The following CDCA8 variants were observed in gnomAD, a reference collection of about 807,000 sequenced individuals.
CDCA8 encodes the protein borealin.
CDCA8 carries 25 observed loss-of-function variants against 40.0 expected under a neutral mutation model. The observed-to-expected ratio is 0.63, with a 90% CI of 0.46 to 0.87. CDCA8 has a LOEUF of 0.87. CDCA8 is among the 40% of genes least tolerant of loss of function. The pLI is 0.00. For synonymous variants in CDCA8, 111 were observed against 126.5 expected (o/e 0.88, Z 0.82); for missense variants, 280 against 348.4 (o/e 0.80, Z 1.56).
rs895396778 is a variant in CDCA8 at position 37,701,685 on chromosome 1, A to C, written c.424-69A>C. On this transcript the variant is annotated intron_variant, in intron 5 of 9. Transcript: ENST00000373055. The stretch of plus-strand genomic sequence containing the variant: ...GTTCTTAATGCTTTAAAAAAAAAAA[A>C]AAAACCCTCCTTACCTTCCTCTTTG... 4 of 1,044,132 alleles carry C rather than the reference A, an allele frequency of 3.8e-6. No individual in the cohort carries two copies. The African/African-American group carries it at 6.8e-5, about 18-fold the overall frequency. 64.7% of individuals were successfully genotyped at this position (1,044,132 alleles called of 1,614,324 possible).
In CDCA8 at chr1:37,698,975, A is replaced by G. The variant is rs533338748; in HGVS notation, c.335A>G (p.Lys112Arg). 89 of 1,608,324 alleles carry G rather than the reference A, an allele frequency of 5.5e-5. 1 individual carries two copies. The South Asian group carries it at 9.7e-4, about 17-fold the overall frequency. ...EAIQTPLKSAKTRKVIQVDEM... is the reference protein window; with the variant it reads ...EAIQTPLKSARTRKVIQVDEM... ...ATTCAGACACCCCTGAAATCTGCCA[A>G]AAGTGAGTACCTTTCAAAACTCCTT... Residue 112 changes from lysine to arginine, a missense_variant and splice_region_variant, in exon 4 of 10, where the codon AAA becomes AGA. Transcript: ENST00000373055.
At position 37,705,320 on chromosome 1, in the gene CDCA8, C is replaced by G. The variant is rs577598617; in HGVS notation, c.585-121C>G. 1.9e-5 allele frequency: 15 copies of G among 805,234 alleles called. No individual in the cohort carries two copies. In the South Asian group the frequency reaches 2.4e-4, roughly 13 times the overall value. The allele number at this position is 805,234 out of a possible 1,614,324, so 49.9% of individuals were successfully genotyped here. On this transcript the variant is annotated intron_variant, in intron 7 of 9. Coordinates refer to ENST00000373055, the MANE Select transcript of CDCA8 (RefSeq NM_001256875.2). ...TTTTTTTTTCTAAATTTAGAACGTGCTTTCTTAGGAATGTATGACTTAAAA... is the reference window on the plus strand; with the variant it reads ...TTTTTTTTTCTAAATTTAGAACGTGGTTTCTTAGGAATGTATGACTTAAAA...
chr1:37,705,751 C>G (rs527805111), intron 8 of CDCA8, among the ~76,000 whole-genome samples, 184 bp downstream of exon 8: 2 of 151,356 alleles, frequency 1.3e-5, no homozygotes, highest in East Asian at 3.9e-4. Flanking sequence ...CTGCAAAGAT[C>G]GTTGCTCAGC....
In CDCA8 at chr1:37,696,354, C is replaced by T. The variant is rs1645527186; in HGVS notation, c.264+404C>T. Among the ~76,000 whole-genome samples, 1 of 152,156 alleles carries T rather than the reference C, an allele frequency of 6.6e-6. No homozygotes were observed. The highest frequency in any genetic ancestry group is 1.5e-5 in the Non-Finnish European group (1 of 68,032). On this transcript the variant is annotated intron_variant, in intron 3 of 9. Coordinates refer to ENST00000373055, the MANE Select transcript of CDCA8 (RefSeq NM_001256875.2). The surrounding 1 kb of genome is among the most constrained non-coding windows in gnomAD (Gnocchi z 5.0). ...TTCCCCAACCCCTCTCATCTCCTTC[C>T]TCCCAGCATCAGTGCCAGGATTGAA...
intron 3 of CDCA8, among the ~76,000 whole-genome samples, chr1:37,698,323 T>C (rs1645540986): frequency 6.6e-6 from 1 of 152,234 alleles, no homozygotes; most frequent in South Asian, 2.1e-4. Context: ...AACTTGGACA[T>C]GTACCTCAGA....
rs1172229429 is a variant in CDCA8, at chr1:37,706,962, TC to T, written c.712-12del. ...AAGGGCCATGGCCAGTTTAACCCAC[TC>T]CCCTTTCTATTCAGAGCCTGCGATT... On this transcript the variant is annotated splice_polypyrimidine_tract_variant and intron_variant, in intron 8 of 9. Transcript: ENST00000373055. 3 of 1,610,558 alleles carry T rather than the reference TC, an allele frequency of 1.9e-6. No individual in the cohort carries two copies. The highest frequency in any genetic ancestry group is 1.7e-6 in the Non-Finnish European group (2 of 1,176,718).
chr1:37,699,070 T>C (rs916929183), intron 4 of CDCA8, 93 bp downstream of exon 4: 2 of 806,774 alleles, frequency 2.5e-6, no homozygotes, highest in South Asian at 2.9e-5. Context: ...TGGTAGAGCC[T>C]CTTCCCTTTA....
rs1197838409 is a variant in CDCA8 at position 37,703,346 on chromosome 1, A to T, written c.583A>T (p.Arg195Trp). ...AGGCCTGACACCCAGGTTTGACTCA[A>T]GGTGAGTATCGAGGGAAACACTTGG... ...TPGLTPRFDS[R>W]VFKTPGLRTP... The change falls in exon 7 of 10, where the codon AGG becomes TGG. Residue 195 changes from arginine (R) to tryptophan (W), a missense_variant and splice_region_variant. Arg to Trp is a moderately radical substitution (Grantham distance 101). Coordinates refer to ENST00000373055, the MANE Select transcript of CDCA8 (RefSeq NM_001256875.2). 6.2e-7 allele frequency: 1 copy of T among 1,607,738 alleles called. No homozygotes were observed. The highest frequency in any genetic ancestry group is 2.2e-5 in the East Asian group (1 of 44,844).
In CDCA8 at chr1:37,701,642, A is replaced by G. The variant is rs1037332615; in HGVS notation, c.424-112A>G. Reference sequence around the variant, plus strand: ...TGAGATACACCTTATTATATTTAGTATTAACTATCCAAAGCTTGTTCTTAA... The same window carrying G: ...TGAGATACACCTTATTATATTTAGTGTTAACTATCCAAAGCTTGTTCTTAA... On this transcript the variant is annotated intron_variant, in intron 5 of 9. Coordinates refer to ENST00000373055, the MANE Select transcript of CDCA8 (RefSeq NM_001256875.2). 7.8e-6 allele frequency: 5 copies of G among 638,952 alleles called. No individual in the cohort carries two copies. In the Admixed American group the frequency reaches 1.2e-4, roughly 16 times the overall value. 39.6% of individuals were successfully genotyped at this position (638,952 alleles called of 1,614,324 possible).
intron 5 of CDCA8, among the ~76,000 whole-genome samples, chr1:37,700,777 AAGGGAAG>A (rs1645558309): frequency 6.6e-6 from 1 of 152,224 alleles, no homozygotes; most frequent in African/African-American, 2.4e-5. Context: ...CTAGAGAAGA[AAGGGAAG>A]AGGAACAGTA....
chr1:37,698,551 T>C (rs574039319), intron 3 of CDCA8, among the ~76,000 whole-genome samples: 1 of 152,242 alleles, frequency 6.6e-6, no homozygotes, highest in African/African-American at 2.4e-5. Flanking sequence ...CACACATGTA[T>C]ACACACATAT....
Position 37,701,762 on chromosome 1 carries a change from G to A in CDCA8, c.432G>A (p.Arg144=). 3.1e-6 allele frequency: 5 copies of A among 1,612,370 alleles called. No homozygotes were observed. Among genetic ancestry groups the A allele is most frequent in the African/African-American group, 1.3e-5 (1 of 74,786 alleles). The change falls in exon 6 of 10, where the codon AGG becomes AGA. Residue 144 remains arginine, a synonymous_variant. Transcript: ENST00000373055. ...TTTGATTGTGACTGCAGGTCAAAAG[G>A]TGTCCTCCATCCAAGAAGAGAACTC... ...RKNLQTARVK[R]CPPSKKRTQS...
chr1:37,704,649 T>C (rs1032623983), intron 7 of CDCA8, among the ~76,000 whole-genome samples: 56 of 138,610 alleles, frequency 4.0e-4, no homozygotes, highest in African/African-American at 1.4e-3. Flanking sequence ...TTTTTTTTTT[T>C]TTTTTTTTTT....
chr1:37,706,361 G>A (rs1431545057), intron 8 of CDCA8, among the ~76,000 whole-genome samples: 1 of 151,972 alleles, frequency 6.6e-6, no homozygotes, highest in Non-Finnish European at 1.5e-5. Context: ...ACACACCTCA[G>A]CCTCCCAAGG....
chr1:37,692,948 C>T lies in CDCA8; in HGVS notation c.138C>T (p.Leu46=), dbSNP rs761888225. The change falls in exon 2 of 10, where the codon CTC becomes CTT. Residue 46 remains leucine, a synonymous_variant. Coordinates refer to ENST00000373055, the MANE Select transcript of CDCA8 (RefSeq NM_001256875.2). ...IKQIESDRQN[L]LKEVDNLYNI... is the part of the protein sequence containing the mutation. ...AAATTGAGTCAGACAGGCAGAACCT[C>T]CTCAAGGAGGTGGATAACCTCTACA... 1 of 1,614,134 alleles carries T rather than the reference C, an allele frequency of 6.2e-7. No homozygotes were observed. Among genetic ancestry groups the T allele is most frequent in the Non-Finnish European group, 8.5e-7 (1 of 1,180,028 alleles).
At chr1:37,706,908 T>C in intron 8 of CDCA8, 70 bp from the exon 9 acceptor site, 1 of 1,175,726 alleles carries the variant, frequency 8.5e-7, no homozygotes, top group South Asian at 1.2e-5. Flanking sequence ...AAGTGCAGGA[T>C]ATCAGGGGAA....
rs151151394 is a variant in CDCA8, at chr1:37,701,758, A to G, written c.428A>G (p.Lys143Arg). The G allele has an allele frequency of 1.9e-6, 3 of 1,612,506 alleles. No homozygotes were observed. The highest frequency in any genetic ancestry group is 2.5e-6 in the Non-Finnish European group (3 of 1,178,678). ...CTCATTTGATTGTGACTGCAGGTCA[A>G]AAGGTGTCCTCCATCCAAGAAGAGA... is the stretch of plus-strand genomic sequence containing the variant. ...ERKNLQTARV[K>R]RCPPSKKRTQ... The change falls in exon 6 of 10, where the codon AAA (lysine) becomes AGA (arginine). Residue 143 changes from lysine (K) to arginine (R), a missense_variant. By Grantham distance (26) the Lys-to-Arg change is conservative. Coordinates refer to ENST00000373055, the MANE Select transcript of CDCA8 (RefSeq NM_001256875.2).
In CDCA8 at chr1:37,692,789, G is replaced by A; in HGVS notation, c.94+5G>A. ...TGAAAGACTTCGACCGTGAAGGTAA[G>A]GGGCCAGGCCGTCGCGGCCTCCTGG... On this transcript the variant is annotated splice_donor_5th_base_variant and intron_variant, in intron 1 of 9. Transcript: ENST00000373055. 2 of 1,613,208 alleles carry A rather than the reference G, an allele frequency of 1.2e-6. No individual in the cohort carries two copies. The highest frequency in any genetic ancestry group is 1.7e-4 in the Middle Eastern group (1 of 6,060).
intron 2 of CDCA8, among the ~76,000 whole-genome samples, chr1:37,695,553 T>G (rs1239519515): frequency 1.3e-5 from 2 of 151,908 alleles, no homozygotes; most frequent in Non-Finnish European, 2.9e-5. Flanking sequence ...CCACTCCAGC[T>G]TGGGTGACAG....
Sources: gnomAD v4.1 joint callset for allele counts (sites outside exome capture counted in the v4.1 genomes callset) on GRCh38, gnomAD v4.1.1 for gene constraint, Gnocchi (gnomAD v3.1) non-coding constraint, MANE v1.5 for transcripts, NCBI Gene and HGNC (gene_info 2026-07-23, HGNC 2026-07-21) for gene names.